The following MMP16 variants were observed in gnomAD, a reference collection of about 807,000 sequenced individuals.
MMP16 encodes matrix metallopeptidase 16.
Under a neutral mutation model 67.8 loss-of-function variants are expected in MMP16, and 12 were observed. The observed-to-expected ratio is 0.18, with a 90% CI of 0.11 to 0.29. The LOEUF is 0.29. Ranked by LOEUF, MMP16 falls within the 10% of genes least tolerant of loss-of-function variation. MMP16 has a pLI of 1.00. For synonymous variants in MMP16, 249 were observed against 255.9 expected (o/e 0.97, Z 0.26); for missense variants, 475 against 765.7 (o/e 0.62, Z 4.48).
chr8:88,256,323 C>T (rs1229478348), intron 1 of MMP16, among the ~76,000 whole-genome samples: 2 of 152,074 alleles, frequency 1.3e-5, no homozygotes, highest in African/African-American at 4.8e-5. Flanking sequence ...TTCAGTTAAA[C>T]AGGCAAATGG....
At chr8:88,278,525 C>G (rs1330380550) in intron 1 of MMP16, among the ~76,000 whole-genome samples, 1 of 152,160 alleles carries the variant, frequency 6.6e-6, no homozygotes, top group African/African-American at 2.4e-5. Context: ...ATGGAAGACA[C>G]ATCAAGCTTA....
At chr8:88,280,628 T>C (rs1810718386) in intron 1 of MMP16, among the ~76,000 whole-genome samples, 1 of 152,310 alleles carries the variant, frequency 6.6e-6, no homozygotes, top group Non-Finnish European at 1.5e-5. Context: ...CAGGCATGGA[T>C]GCCTATATTC....
intron 6 of MMP16, among the ~76,000 whole-genome samples, chr8:88,082,436 G>A (rs1417686985): frequency 3.3e-5 from 5 of 151,920 alleles, no homozygotes; most frequent in Admixed American, 3.3e-4. Flanking sequence ...TTCAAATTAA[G>A]ATACAACCTC....
At chr8:88,102,045 T>C (rs1410078516) in intron 6 of MMP16, among the ~76,000 whole-genome samples, 2 of 151,842 alleles carry the variant, frequency 1.3e-5, no homozygotes, top group Non-Finnish European at 2.9e-5. Flanking sequence ...ACTGAAACTG[T>C]TTTTCTTCTG....
intron 1 of MMP16, among the ~76,000 whole-genome samples, chr8:88,272,139 C>T (rs902467742): frequency 3.3e-5 from 5 of 152,104 alleles, no homozygotes; most frequent in Non-Finnish European, 7.4e-5. Flanking sequence ...CGAGTGTGTA[C>T]AGGTGCAGTG....
At chr8:88,149,595 G>A (rs1411837856) in intron 4 of MMP16, among the ~76,000 whole-genome samples, 3 of 151,842 alleles carry the variant, frequency 2.0e-5, no homozygotes, top group Admixed American at 6.6e-5. Flanking sequence ...CCCCCAGCAG[G>A]GGCACACTGA....
At chr8:88,078,441 C>A (rs778789454) in intron 6 of MMP16, among the ~76,000 whole-genome samples, 1 of 152,142 alleles carries the variant, frequency 6.6e-6, no homozygotes, top group Admixed American at 6.5e-5. Context: ...CTTTAAAATT[C>A]TGGCTCGTGA....
At chr8:88,242,962 A>G (rs1026065420) in intron 1 of MMP16, among the ~76,000 whole-genome samples, 16 of 152,144 alleles carry the variant, frequency 1.1e-4, no homozygotes, top group Admixed American at 6.5e-5. Context: ...CTAGATAGGC[A>G]TTTATTTGGA....
chr8:88,070,395 G>C (rs969969396), intron 7 of MMP16, among the ~76,000 whole-genome samples: 2 of 152,232 alleles, frequency 1.3e-5, no homozygotes, highest in Admixed American at 6.5e-5. Flanking sequence ...TCTATCCAAA[G>C]CCTATGAACA....
chr8:88,097,812 T>A (rs1205225215), intron 6 of MMP16, among the ~76,000 whole-genome samples: 3 of 151,816 alleles, frequency 2.0e-5, no homozygotes, highest in Non-Finnish European at 4.4e-5. Flanking sequence ...ATAGTTATAC[T>A]TAATTTTTCA....
Position 88,035,368 on chromosome 8 carries a change from C to T in MMP16, c.*6093G>A, listed in dbSNP as rs1225554070. 1 of 152,032 alleles carries T rather than the reference C, an allele frequency of 6.6e-6. No homozygotes were observed. Among genetic ancestry groups the T allele is most frequent in the Non-Finnish European group, 1.5e-5 (1 of 67,952 alleles). 9.4% of individuals were successfully genotyped at this position (152,032 alleles called of 1,614,324 possible). A position where few individuals can be genotyped will look rare whatever the true frequency, so the allele number is the denominator to read the frequency against. ...TTCAATGTGCCCTTTAATGTGAGGA[C>T]ACGCTGAGTGCACATTTGAATATCA... On this transcript the variant is annotated 3_prime_UTR_variant, in exon 10 of 10. Transcript: ENST00000286614. The surrounding 1 kb of genome is among the most constrained non-coding windows in gnomAD (Gnocchi z 4.7).
In MMP16 at chr8:88,035,040, GAT is replaced by G. The variant is rs1808036664; in HGVS notation, c.*6419_*6420del. The G allele has an allele frequency of 6.6e-6, 1 of 151,930 alleles. No individual in the cohort carries two copies. Among genetic ancestry groups the G allele is most frequent in the African/African-American group, 2.4e-5 (1 of 41,358 alleles). The allele number at this position is 151,930 out of a possible 1,614,324, so 9.4% of individuals were successfully genotyped here. On this transcript the variant is annotated 3_prime_UTR_variant, in exon 10 of 10. Transcript: ENST00000286614. This position sits in a 1 kb window ranked among gnomAD's most constrained non-coding sequence, Gnocchi z 4.7. ...CTACAGAAATGTCTGTATTGTGACT[GAT>G]ATTTTTTTCATGTATAAAAACAAGT...
intron 1 of MMP16, among the ~76,000 whole-genome samples, chr8:88,299,113 G>A (rs936276354): frequency 3.9e-5 from 6 of 152,040 alleles, no homozygotes; most frequent in African/African-American, 1.4e-4. Flanking sequence ...AGAAAGTTGA[G>A]GTTATTCAGT....
chr8:88,178,022 G>T (rs1447012135), intron 3 of MMP16, among the ~76,000 whole-genome samples: 1 of 150,582 alleles, frequency 6.6e-6, no homozygotes, highest in Non-Finnish European at 1.5e-5. Flanking sequence ...AAAAAAAAAA[G>T]AACTCTAGAA....
At chr8:88,311,828 G>T (rs1811299316) in intron 1 of MMP16, among the ~76,000 whole-genome samples, 1 of 152,050 alleles carries the variant, frequency 6.6e-6, no homozygotes, top group Non-Finnish European at 1.5e-5. Flanking sequence ...ATAATGAGAG[G>T]TCTTGCATGC....
intron 1 of MMP16, among the ~76,000 whole-genome samples, chr8:88,292,808 C>T (rs1455417765): frequency 6.6e-6 from 1 of 152,092 alleles, no homozygotes; most frequent in Non-Finnish European, 1.5e-5. Flanking sequence ...AGAAATTATA[C>T]TTGTAAATTA....
At chr8:88,145,720 A>AGCCATTTGACT (rs1204050894) in intron 4 of MMP16, among the ~76,000 whole-genome samples, 1 of 152,054 alleles carries the variant, frequency 6.6e-6, no homozygotes, top group Non-Finnish European at 1.5e-5. Flanking sequence ...AAATGGGATA[A>AGCCATTTGACT]AAGCAATCTT....
chr8:88,277,784 C>T (rs1260046360), intron 1 of MMP16, among the ~76,000 whole-genome samples: 2 of 152,138 alleles, frequency 1.3e-5, no homozygotes, highest in Admixed American at 6.6e-5. Flanking sequence ...AGCACACTTA[C>T]TTTTCATCTA....
intron 4 of MMP16, among the ~76,000 whole-genome samples, chr8:88,129,242 G>A (rs2118466995): frequency 6.6e-6 from 1 of 151,814 alleles, no homozygotes; most frequent in Non-Finnish European, 1.5e-5. Flanking sequence ...GTTGAGGGAA[G>A]ATAGAATTTT....
Sources: gnomAD v4.1 joint callset for allele counts (sites outside exome capture counted in the v4.1 genomes callset) on GRCh38, gnomAD v4.1.1 for gene constraint, Gnocchi (gnomAD v3.1) non-coding constraint, MANE v1.5 for transcripts, NCBI Gene and HGNC (gene_info 2026-07-23, HGNC 2026-07-21) for gene names.